ATF6: variants seen among roughly 807,000 people sequenced by gnomAD.
ATF6 encodes cyclic AMP-dependent transcription factor ATF-6 alpha.
Under a neutral mutation model 83.6 loss-of-function variants are expected in ATF6, and 53 were observed. The observed-to-expected ratio is 0.63, with a 90% CI of 0.51 to 0.80. The LOEUF is 0.80. Among genes scored for constraint, ATF6 ranks in the 30% least tolerant of loss-of-function variants. ATF6 has a pLI of 0.00. For missense variants in ATF6, 744 were observed against 797.9 expected, an observed-to-expected ratio of 0.93 and a Z score of 0.81; for synonymous variants, 288 against 285.8, an observed-to-expected ratio of 1.01 and a Z score of -0.08.
chr1:161,889,060 A>C (rs2101866913), intron 14 of ATF6, among the ~76,000 whole-genome samples: 1 of 152,320 alleles, frequency 6.6e-6, no homozygotes, highest in African/African-American at 2.4e-5. Flanking sequence ...GCCTTGAAGC[A>C]ATCTGAACAT....
intron 4 of ATF6, among the ~76,000 whole-genome samples, chr1:161,790,032 TA>T (rs1325565189): frequency 6.6e-6 from 1 of 152,194 alleles, no homozygotes; most frequent in East Asian, 1.9e-4. Flanking sequence ...AAAAAAAGTT[TA>T]AATTTGCCTT....
At chr1:161,916,437 T>G (rs1234197757) in intron 15 of ATF6, among the ~76,000 whole-genome samples, 1 of 152,202 alleles carries the variant, frequency 6.6e-6, no homozygotes, top group African/African-American at 2.4e-5. Flanking sequence ...GAATTGCAGA[T>G]AACATGGTGC....
At chr1:161,932,019 T>A (rs1305746573) in intron 15 of ATF6, among the ~76,000 whole-genome samples, 2 of 152,196 alleles carry the variant, frequency 1.3e-5, no homozygotes, top group Non-Finnish European at 1.5e-5. Flanking sequence ...GTAATTGCTA[T>A]AGGAACCAAC....
At chr1:161,783,871 G>T in intron 3 of ATF6, 119 bp from the exon 4 acceptor site, 19 of 626,684 alleles carry the variant, frequency 3.0e-5, no homozygotes, top group East Asian at 5.6e-5. Context: ...GTTATATTTT[G>T]GTGACCTTAG....
intron 14 of ATF6, among the ~76,000 whole-genome samples, chr1:161,873,496 G>C (rs185682137): frequency 7.3e-5 from 11 of 151,556 alleles, no homozygotes; most frequent in Admixed American, 7.2e-4. Flanking sequence ...CTCCTATATA[G>C]TATACAGTGA....
chr1:161,886,403 T>A (rs1474207316), intron 14 of ATF6, among the ~76,000 whole-genome samples: 1 of 152,246 alleles, frequency 6.6e-6, no homozygotes, highest in African/African-American at 2.4e-5. Context: ...AAACATCTTA[T>A]ACAGTTATAC....
chr1:161,807,863 ATCTTTTTTT>A lies in ATF6; in HGVS notation c.909+5593_909+5601del, dbSNP rs1331950148. ...TACTTTTTGTACTTTTTAGTTTGTC[ATCTTTTTTT>A]TTTTTTTTTTTTTTTTTTTTTTTTT... is the stretch of plus-strand genomic sequence containing the variant. On this transcript the variant is annotated intron_variant, in intron 7 of 15. Transcript: ENST00000367942. Among the ~76,000 whole-genome samples, 54 of 54,798 alleles carry A rather than the reference ATCTTTTTTT, an allele frequency of 9.9e-4. 1 individual carries two copies. The highest frequency in any genetic ancestry group is 4.5e-3 in the East Asian group (11 of 2,442). 35.9% of individuals were successfully genotyped at this position (54,798 alleles called of 152,430 possible). A position where few individuals can be genotyped will look rare whatever the true frequency, so the allele number is the denominator to read the frequency against.
At chr1:161,834,110 C>T (rs1390523536) in intron 9 of ATF6, among the ~76,000 whole-genome samples, 1 of 152,094 alleles carries the variant, frequency 6.6e-6, no homozygotes, top group Non-Finnish European at 1.5e-5. Flanking sequence ...TTCAACATTC[C>T]TAAAGAAAAG....
At position 161,778,251 on chromosome 1, in the gene ATF6, T is replaced by C. The variant is rs1557955148; in HGVS notation, c.90T>C (p.Ala30=). The stretch of plus-strand genomic sequence containing the variant: ...CTTTTCCTTTGTCCAAAGATTCTGC[T>C]CTCTTTGCTGAACTCGGTTATTTCA... ...FHRLDEDWDS[A]LFAELGYFTD... Residue 30 remains alanine, a synonymous_variant, in exon 2 of 16, where the codon GCT becomes GCC. Transcript: ENST00000367942. 1 of 1,613,220 alleles carries C rather than the reference T, an allele frequency of 6.2e-7. No homozygotes were observed. Among genetic ancestry groups the C allele is most frequent in the Admixed American group, 1.7e-5 (1 of 59,912 alleles).
intron 9 of ATF6, among the ~76,000 whole-genome samples, chr1:161,841,263 C>T (rs116315900): frequency 0.013 from 1,984 of 152,296 alleles, 48 homozygotes; most frequent in African/African-American, 0.044. Context: ...AAGTTCTTAC[C>T]TGTCTTTCAG....
At chr1:161,845,040 A>C (rs1226820939) in intron 9 of ATF6, among the ~76,000 whole-genome samples, 1 of 152,222 alleles carries the variant, frequency 6.6e-6, no homozygotes, top group Non-Finnish European at 1.5e-5. Context: ...ACCTTTGAAG[A>C]GTTTGCAGTA....
intron 1 of ATF6, among the ~76,000 whole-genome samples, chr1:161,768,209 G>C (rs1418700951): frequency 6.6e-6 from 1 of 152,102 alleles, no homozygotes; most frequent in Non-Finnish European, 1.5e-5. Context: ...ATAATTTTAT[G>C]TCGTCTTCTG....
intron 9 of ATF6, among the ~76,000 whole-genome samples, chr1:161,831,020 A>C (rs979543823): frequency 2.2e-4 from 34 of 152,324 alleles, no homozygotes; most frequent in African/African-American, 7.9e-4. Flanking sequence ...CAACCTACAG[A>C]ATGGGAGAAA....
intron 14 of ATF6, among the ~76,000 whole-genome samples, chr1:161,870,240 A>G (rs1316811484): frequency 1.3e-5 from 2 of 151,852 alleles, no homozygotes; most frequent in East Asian, 3.8e-4. Context: ...CCTGTTAATT[A>G]TAATTATAGA....
chr1:161,828,701 C>T (rs1184962576), intron 9 of ATF6, among the ~76,000 whole-genome samples: 1 of 152,164 alleles, frequency 6.6e-6, no homozygotes, highest in East Asian at 1.9e-4. Flanking sequence ...TTACTCAAAG[C>T]CCCTACCTAA....
At chr1:161,927,075 CAG>C (rs1688329309) in intron 15 of ATF6, among the ~76,000 whole-genome samples, 1 of 151,868 alleles carries the variant, frequency 6.6e-6, no homozygotes, top group Admixed American at 6.6e-5. Context: ...TTCATGCCTT[CAG>C]AGAGTTAATT....
At chr1:161,867,771 C>T (rs1254516725) in intron 14 of ATF6, among the ~76,000 whole-genome samples, 1 of 152,174 alleles carries the variant, frequency 6.6e-6, no homozygotes, top group Non-Finnish European at 1.5e-5. Flanking sequence ...AGTGTCTTTT[C>T]ATCAGTTTCA....
chr1:161,928,889 C>T lies in ATF6; in HGVS notation c.1804+16509C>T, dbSNP rs144044284. Among the ~76,000 whole-genome samples, 669 of 152,256 alleles carry T rather than the reference C, an allele frequency of 4.4e-3. 4 individuals carry two copies. The highest frequency in any genetic ancestry group is 7.9e-3 in the Non-Finnish European group (534 of 68,018). ...TGGGCTATAAACATGAGAAATCTTC[C>T]GCCCCCTATTCTGTGTTTGGTTAAT... On this transcript the variant is annotated intron_variant, in intron 15 of 15. Transcript: ENST00000367942.
intron 15 of ATF6, among the ~76,000 whole-genome samples, chr1:161,939,053 T>A (rs1204227669): frequency 6.6e-6 from 1 of 152,146 alleles, no homozygotes; most frequent in East Asian, 1.9e-4. Context: ...ATCTCGTCGC[T>A]CCACTGAAAC....
Sources: gnomAD v4.1 joint callset for allele counts (sites outside exome capture counted in the v4.1 genomes callset) on GRCh38, gnomAD v4.1.1 for gene constraint, MANE v1.5 for transcripts, NCBI Gene and HGNC (gene_info 2026-07-23, HGNC 2026-07-21) for gene names.